Variants in CEP41 observed in about 807,000 individuals in gnomAD.
CEP41 encodes centrosomal protein of 41 kDa.
In CEP41, 32 loss-of-function variants were observed where a neutral mutation model predicts 44.3. The ratio of observed to expected loss-of-function variants is 0.72; its 90% CI spans 0.54 to 0.97. The LOEUF is 0.97. CEP41 is among the 50% of genes least tolerant of loss of function. The pLI, the probability that CEP41 is intolerant of heterozygous loss-of-function variation, is 0.00. For missense variants in CEP41, 432 were observed against 455.2 expected, an observed-to-expected ratio of 0.95 and a Z score of 0.46; for synonymous variants, 151 against 168.5, an observed-to-expected ratio of 0.90 and a Z score of 0.80.
intron 2 of CEP41, among the ~76,000 whole-genome samples, chr7:130,425,263 A>T (rs11982463): frequency 1.3e-5 from 2 of 152,012 alleles, no homozygotes; most frequent in African/African-American, 4.8e-5. Flanking sequence ...AAATACAAAA[A>T]TTAGCCAGAC....
At chr7:130,438,584 A>G (rs1465450243) in intron 1 of CEP41, among the ~76,000 whole-genome samples, 2 of 152,174 alleles carry the variant, frequency 1.3e-5, no homozygotes, top group Admixed American at 1.3e-4. Flanking sequence ...AATAAAAAAT[A>G]GTAACCACTT....
chr7:130,417,424 TCA>T (rs1797370029), intron 2 of CEP41: 1 of 904,054 alleles, frequency 1.1e-6, no homozygotes, highest in Non-Finnish European at 1.4e-6. Context: ...GGCTTTGTCT[TCA>T]CAGTTTCCTT....
At position 130,397,942 on chromosome 7, in the gene CEP41, A is replaced by T. The variant is rs1554415529; in HGVS notation, c.*949T>A. 4.4e-6 allele frequency: 2 copies of T among 454,564 alleles called. No homozygotes were observed. The highest frequency in any genetic ancestry group is 4.7e-5 in the Admixed American group (2 of 42,580). The allele number at this position is 454,564 out of a possible 1,614,324, so 28.2% of individuals were successfully genotyped here. A position where few individuals can be genotyped will look rare whatever the true frequency, so the allele number is the denominator to read the frequency against. ...ATACTGTATTTCTAAGCAAGGGCTT[A>T]CGAGGTTGTCAGCCCTGACAAAGGA... On this transcript the variant is annotated 3_prime_UTR_variant, in exon 11 of 11. Coordinates refer to ENST00000223208, the MANE Select transcript of CEP41 (RefSeq NM_018718.3).
chr7:130,413,499 T>C (rs1230284481), intron 3 of CEP41, among the ~76,000 whole-genome samples: 1 of 151,704 alleles, frequency 6.6e-6, no homozygotes, highest in Non-Finnish European at 1.5e-5. Flanking sequence ...GAGAATCAAT[T>C]GAACCTGGGA....
chr7:130,410,161 G>A (rs1232717285), intron 5 of CEP41, among the ~76,000 whole-genome samples: 2 of 151,680 alleles, frequency 1.3e-5, no homozygotes, highest in Non-Finnish European at 2.9e-5. Context: ...GAGTAGCTGG[G>A]ATTACAGGTG....
intron 1 of CEP41, among the ~76,000 whole-genome samples, chr7:130,431,630 G>A (rs894087893): frequency 2.6e-5 from 4 of 152,184 alleles, no homozygotes; most frequent in Non-Finnish European, 2.9e-5. Flanking sequence ...GAGGGTTGAG[G>A]AGGTTAGTCA....
chr7:130,410,679 T>C (rs1347814017), intron 5 of CEP41, among the ~76,000 whole-genome samples: 1 of 152,200 alleles, frequency 6.6e-6, no homozygotes, highest in Non-Finnish European at 1.5e-5. Flanking sequence ...CATTCCTCCA[T>C]TTTAAAATTC....
intron 2 of CEP41, chr7:130,419,182 T>C (rs1554421549): frequency 2.0e-6 from 2 of 985,330 alleles, no homozygotes; most frequent in East Asian, 1.1e-4. Flanking sequence ...TTTGCAATTA[T>C]ACAAATATTT....
intron 1 of CEP41, among the ~76,000 whole-genome samples, chr7:130,434,798 A>G (rs1276389651): frequency 3.3e-5 from 5 of 152,194 alleles, no homozygotes; most frequent in African/African-American, 1.2e-4. Context: ...CATTAAATAT[A>G]TGGGAGCAGA....
rs1310830995 is a variant in CEP41 at position 130,397,909 on chromosome 7, T to C, written c.*982A>G. ...GCAGGAAATTGCACTAATTACTCAA[T>C]TAGACTAATACTGTATTTCTAAGCA... On this transcript the variant is annotated 3_prime_UTR_variant, in exon 11 of 11. Coordinates refer to ENST00000223208, the MANE Select transcript of CEP41 (RefSeq NM_018718.3). 2 of 454,232 alleles carry C rather than the reference T, an allele frequency of 4.4e-6. No homozygotes were observed. Among genetic ancestry groups the C allele is most frequent in the Admixed American group, 4.7e-5 (2 of 42,564 alleles). The allele number at this position is 454,232 out of a possible 1,614,324, so 28.1% of individuals were successfully genotyped here.
chr7:130,399,654 C>T lies in CEP41; in HGVS notation c.973+385G>A, dbSNP rs138401985. 231 of 253,848 alleles carry T rather than the reference C, an allele frequency of 9.1e-4. 1 individual carries two copies. The East Asian group carries it at 0.022, about 24-fold the overall frequency. The allele number at this position is 253,848 out of a possible 1,614,324, so 15.7% of individuals were successfully genotyped here. A position where few individuals can be genotyped will look rare whatever the true frequency, so the allele number is the denominator to read the frequency against. On this transcript the variant is annotated intron_variant, in intron 10 of 10. Transcript: ENST00000223208. ...CCAACATGGTGAAACCCTGTCTCTA[C>T]TTAAAATACAAAAAAATTAGCCTGG...
At chr7:130,427,933 TA>T in intron 2 of CEP41, 21 bp downstream of exon 2, 3 of 1,538,898 alleles carry the variant, frequency 1.9e-6, no homozygotes, top group Admixed American at 1.7e-5. Context: ...TTTTTAATTC[TA>T]ATTTTCTAAT....
At chr7:130,401,734 A>G (rs1290921856) in intron 8 of CEP41, 147 bp downstream of exon 8, 1 of 604,952 alleles carries the variant, frequency 1.7e-6, no homozygotes, top group Non-Finnish European at 3.1e-6. Flanking sequence ...ATTCTTGGCA[A>G]TAGCTAGGAA....
Position 130,397,006 on chromosome 7 carries a change from A to C in CEP41, c.*1885T>G, listed in dbSNP as rs1554414932. ...GACAAGTCACCTTTAAAACAGCATA[A>C]CCAGAACTTTCTTACAGAGAAAAAT... is the stretch of plus-strand genomic sequence containing the variant. On this transcript the variant is annotated 3_prime_UTR_variant, in exon 11 of 11. Coordinates refer to ENST00000223208, the MANE Select transcript of CEP41 (RefSeq NM_018718.3). 2.2e-6 allele frequency: 1 copy of C among 454,480 alleles called. No individual in the cohort carries two copies. The highest frequency in any genetic ancestry group is 4.4e-6 in the Non-Finnish European group (1 of 226,778). The allele number at this position is 454,480 out of a possible 1,614,324, so 28.2% of individuals were successfully genotyped here. A position where few individuals can be genotyped will look rare whatever the true frequency, so the allele number is the denominator to read the frequency against.
chr7:130,401,247 T>G, intron 8 of CEP41: 1 of 217,312 alleles, frequency 4.6e-6, no homozygotes, highest in Non-Finnish European at 9.3e-6. Context: ...TAGTAAATCA[T>G]AGTAAATCTG....
At chr7:130,419,892 C>G in intron 2 of CEP41, 2 of 985,332 alleles carry the variant, frequency 2.0e-6, no homozygotes, top group Non-Finnish European at 2.4e-6. Context: ...AGGCATTTAT[C>G]ACTGTATTGT....
chr7:130,402,398 A>C (rs1279645804), intron 7 of CEP41, among the ~76,000 whole-genome samples: 1 of 152,172 alleles, frequency 6.6e-6, no homozygotes, highest in Non-Finnish European at 1.5e-5. Flanking sequence ...ACTTCTGTGA[A>C]AGAAAAGAAA....
intron 2 of CEP41, chr7:130,420,360 T>A: frequency 7.3e-6 from 1 of 136,192 alleles, no homozygotes; most frequent in African/African-American, 2.7e-5. Context: ...AATGGCCAGG[T>A]GTGATAGCTC....
chr7:130,409,935 C>A (rs1797123425), intron 5 of CEP41, among the ~76,000 whole-genome samples: 1 of 152,008 alleles, frequency 6.6e-6, no homozygotes, highest in African/African-American at 2.4e-5. Context: ...TGCTCCTCAG[C>A]CTGCAACAGC....
Sources: gnomAD v4.1 joint callset for allele counts (sites outside exome capture counted in the v4.1 genomes callset) on GRCh38, gnomAD v4.1.1 for gene constraint, MANE v1.5 for transcripts, NCBI Gene and HGNC (gene_info 2026-07-23, HGNC 2026-07-21) for gene names.